RTN4: variants seen among roughly 807,000 people sequenced by gnomAD.
RTN4 encodes the protein reticulon-4.
A neutral mutation model predicts 90.4 loss-of-function variants in RTN4; 32 were observed. That is an observed-to-expected ratio of 0.35 (90% confidence interval 0.27 to 0.48). The LOEUF is 0.48. RTN4 is among the 20% of genes least tolerant of loss of function. The pLI, the probability that RTN4 is intolerant of heterozygous loss-of-function variation, is 0.99. For missense variants in RTN4, 1,706 were observed against 1,430.2 expected (o/e 1.19, Z -3.11); for synonymous variants, 629 against 552.5 (o/e 1.14, Z -1.94).
the RTN4 span, among the ~76,000 whole-genome samples, chr2:55,132,002 T>C: frequency 6.6e-6 from 1 of 152,188 alleles, no homozygotes; most frequent in Non-Finnish European, 1.5e-5. Flanking sequence ...TTATCAGAAG[T>C]CCTTATGTGT....
At chr2:55,038,814 A>G (rs1365225361) in intron 1 of RTN4, among the ~76,000 whole-genome samples, 1 of 152,254 alleles carries the variant, frequency 6.6e-6, no homozygotes, top group African/African-American at 2.4e-5. Flanking sequence ...AAGAATGTTC[A>G]CAGCATTTTG....
At position 55,026,899 on chromosome 2, in the gene RTN4, C is replaced by T. The variant is rs768873279; in HGVS notation, c.1200G>A (p.Lys400=). Residue 400 remains lysine, a synonymous_variant, in exon 3 of 9, where the codon AAG becomes AAA. Transcript: ENST00000337526. ...FERVWEVKDS[K]EDSDMLAAGG... ...CAGCAGCCAACATATCACTATCTTC[C>T]TTACTATCTTTCACTTCCCATACTC... 3 of 1,613,802 alleles carry T rather than the reference C, an allele frequency of 1.9e-6. No homozygotes were observed. In the Admixed American group the frequency reaches 5.0e-5, roughly 27 times the overall value.
At chr2:55,080,096 A>AGCCTTG (rs1283023509) in intron 2 of RTN4, among the ~76,000 whole-genome samples, 1 of 152,130 alleles carries the variant, frequency 6.6e-6, no homozygotes, top group Non-Finnish European at 1.5e-5. Flanking sequence ...AGTTAACTAC[A>AGCCTTG]GCCTTGACCT....
chr2:55,026,667 T>C lies in RTN4; in HGVS notation c.1432A>G (p.Asn478Asp). ...GGATCTCCTAACAAAGGAAAAATGT[T>C]TGTTGCAATGCTCTCAGTTGCTGCT... ...NPAATESIATNIFPLLGDPTS... is the reference protein window; with the variant it reads ...NPAATESIATDIFPLLGDPTS... The change falls in exon 3 of 9, where the codon AAC (asparagine) becomes GAC (aspartate). Residue 478 changes from asparagine to aspartate, a missense_variant. By Grantham distance (23) the Asn-to-Asp change is conservative. Transcript: ENST00000337526. The C allele has an allele frequency of 1.9e-6, 3 of 1,613,692 alleles. No homozygotes were observed. Among genetic ancestry groups the C allele is most frequent in the Non-Finnish European group, 2.5e-6 (3 of 1,179,874 alleles).
At chr2:55,017,197 C>A (rs565589928) in intron 3 of RTN4, among the ~76,000 whole-genome samples, 1 of 152,054 alleles carries the variant, frequency 6.6e-6, no homozygotes, top group African/African-American at 2.4e-5. Flanking sequence ...ATTATTTGCT[C>A]AATAAAAATA....
chr2:54,993,073 CG>C (rs200436107), intron 3 of RTN4, among the ~76,000 whole-genome samples: 35,135 of 104,954 alleles, frequency 0.33, 5,551 homozygotes, highest in African/African-American at 0.36. Flanking sequence ...GACTCCATCT[CG>C]GAAAAAAAAA....
intron 1 of RTN4, among the ~76,000 whole-genome samples, chr2:55,028,787 CAA>C (rs34218690): frequency 2.0e-5 from 3 of 147,808 alleles, no homozygotes; most frequent in South Asian, 4.2e-4. Context: ...GTCCAAAATA[CAA>C]AAAAAAAAAA....
chr2:55,125,446 G>C, the RTN4 span, among the ~76,000 whole-genome samples: 1 of 152,162 alleles, frequency 6.6e-6, no homozygotes, highest in African/African-American at 2.4e-5. Context: ...AAAAGTGGGC[G>C]AAGGAAATGA....
rs1383977911 is a variant in RTN4 at position 55,026,089 on chromosome 2, T to A, written c.2010A>T (p.Val670=). 2 of 1,611,472 alleles carry A rather than the reference T, an allele frequency of 1.2e-6. No individual in the cohort carries two copies. Among genetic ancestry groups the A allele is most frequent in the East Asian group, 2.2e-5 (1 of 44,878 alleles). The change falls in exon 3 of 9, where the codon GTA becomes GTT. Residue 670 remains valine (V), a synonymous_variant. Transcript: ENST00000337526. ...EEAMSVSLKK[V]SGIKEEIKEP... ...CTTTAATTTCTTCCTTTATTCCTGA[T>A]ACTTTTTTTAGTGATACACTCATGG...
At chr2:55,040,342 A>T (rs1166903548) in intron 1 of RTN4, among the ~76,000 whole-genome samples, 2 of 152,206 alleles carry the variant, frequency 1.3e-5, no homozygotes, top group Non-Finnish European at 2.9e-5. Context: ...TATAACACAG[A>T]TACAAGCATC....
At chr2:55,078,317 C>A (rs1189328220) in intron 2 of RTN4, among the ~76,000 whole-genome samples, 8 of 152,100 alleles carry the variant, frequency 5.3e-5, no homozygotes, top group Non-Finnish European at 1.5e-5. Context: ...TGGCTCACTG[C>A]AGCCTCAACC....
chr2:55,105,785 A>G (rs2105061622), intron 1 of RTN4, among the ~76,000 whole-genome samples: 1 of 152,144 alleles, frequency 6.6e-6, no homozygotes, highest in South Asian at 2.1e-4. Context: ...CAACCTGGGC[A>G]ACATAGAGAG....
chr2:55,128,833 A>T, the RTN4 span, among the ~76,000 whole-genome samples: 2 of 151,566 alleles, frequency 1.3e-5, no homozygotes, highest in Non-Finnish European at 2.9e-5. Context: ...AGGGCTGGGC[A>T]CGGTGGCTCA....
intron 3 of RTN4, among the ~76,000 whole-genome samples, chr2:55,023,691 A>C (rs1022441917): frequency 2.0e-5 from 3 of 151,964 alleles, no homozygotes; most frequent in Admixed American, 6.6e-5. Flanking sequence ...CTAATATTTT[A>C]ATTTTTCTCC....
intron 1 of RTN4, among the ~76,000 whole-genome samples, chr2:55,094,659 T>A (rs1240327700): frequency 6.6e-6 from 1 of 152,096 alleles, no homozygotes; most frequent in Non-Finnish European, 1.5e-5. Flanking sequence ...TTAGATCAGG[T>A]CATCAAAGGA....
intron 1 of RTN4, among the ~76,000 whole-genome samples, chr2:55,108,189 A>C (rs570023045): frequency 1.6e-4 from 25 of 152,108 alleles, no homozygotes; most frequent in Non-Finnish European, 3.1e-4. Flanking sequence ...CCCTGACTTC[A>C]GGTGATCCAC....
chr2:55,122,128 G>A, the RTN4 span, among the ~76,000 whole-genome samples: 1 of 151,918 alleles, frequency 6.6e-6, no homozygotes, highest in Non-Finnish European at 1.5e-5. Context: ...CCCACAGGTA[G>A]GGGCCCCCTC....
chr2:55,078,388 G>A (rs1199654598), intron 2 of RTN4, among the ~76,000 whole-genome samples: 2 of 152,040 alleles, frequency 1.3e-5, no homozygotes, highest in East Asian at 1.9e-4. Flanking sequence ...ACAGACATGT[G>A]CCAACATGCC....
At chr2:55,117,433 C>G (rs1668145067), upstream of RTN4, among the ~76,000 whole-genome samples, 1 of 152,212 alleles carries the variant, frequency 6.6e-6, no homozygotes, top group South Asian at 2.1e-4. Flanking sequence ...AGCCCTGGAG[C>G]AGCAAGTCCC....
Sources: gnomAD v4.1 joint callset for allele counts (sites outside exome capture counted in the v4.1 genomes callset) on GRCh38, gnomAD v4.1.1 for gene constraint, MANE v1.5 for transcripts, NCBI Gene and HGNC (gene_info 2026-07-23, HGNC 2026-07-21) for gene names.